The following STAMBPL1 variants were observed in gnomAD, a reference collection of about 807,000 sequenced individuals.
STAMBPL1 encodes the protein AMSH-like protease.
STAMBPL1 carries 44 observed loss-of-function variants against 52.9 expected under a neutral mutation model. The ratio of observed to expected loss-of-function variants is 0.83; its 90% CI spans 0.65 to 1.07. STAMBPL1 has a LOEUF of 1.07. STAMBPL1 is among the 50% of genes least tolerant of loss of function. The pLI, the probability that STAMBPL1 is intolerant of heterozygous loss-of-function variation, is 0.00. For missense variants in STAMBPL1, 511 were observed against 520.8 expected (o/e 0.98, Z 0.18); for synonymous variants, 164 against 177.3 (o/e 0.92, Z 0.60).
At chr10:88,921,785 A>AC (rs1845518745) in intron 9 of STAMBPL1, among the ~76,000 whole-genome samples, 1 of 152,168 alleles carries the variant, frequency 6.6e-6, no homozygotes. Flanking sequence ...CATGGGAATC[A>AC]AAAAAACATA....
rs148608470 is a variant in STAMBPL1, at chr10:88,918,654, T to G, written c.1041+1837T>G. Among the ~76,000 whole-genome samples the G allele has an allele frequency of 4.7e-4, 71 of 152,336 alleles. 3 individuals are homozygous for G. Among genetic ancestry groups the G allele is most frequent in the African/African-American group, 1.6e-3 (67 of 41,582 alleles). Reference sequence around the variant, plus strand: ...ATATGCATTACACTTTGCCTGGAAATTGCTATATTATTTAGCTTAACATGA... The same window carrying G: ...ATATGCATTACACTTTGCCTGGAAAGTGCTATATTATTTAGCTTAACATGA... On this transcript the variant is annotated intron_variant, in intron 8 of 10. Transcript: ENST00000371926.
intron 1 of STAMBPL1, among the ~76,000 whole-genome samples, chr10:88,894,163 G>A (rs1013997088): frequency 7.9e-5 from 12 of 152,022 alleles, no homozygotes; most frequent in Non-Finnish European, 1.3e-4. Flanking sequence ...AACCTCCTTT[G>A]CAGTTTGGGA....
At chr10:88,894,967 T>C (rs1844777214) in intron 1 of STAMBPL1, among the ~76,000 whole-genome samples, 1 of 152,218 alleles carries the variant, frequency 6.6e-6, no homozygotes, top group Non-Finnish European at 1.5e-5. Flanking sequence ...TTAGGGAGCA[T>C]ATTACAGAAT....
chr10:88,908,564 G>T, intron 3 of STAMBPL1, 138 bp from the exon 4 acceptor site: 1 of 684,842 alleles, frequency 1.5e-6, no homozygotes, highest in South Asian at 1.8e-5. Context: ...TAGTGAAAAG[G>T]CAGATGGCAA....
chr10:88,909,539 A>G (rs771188433), intron 4 of STAMBPL1, among the ~76,000 whole-genome samples: 44 of 152,286 alleles, frequency 2.9e-4, no homozygotes, highest in Non-Finnish European at 5.6e-4. Flanking sequence ...TCCTATGAGT[A>G]TTTTCAGACC....
intron 2 of STAMBPL1, 67 bp downstream of exon 2, chr10:88,901,805 A>T: frequency 6.9e-7 from 1 of 1,459,568 alleles, no homozygotes; most frequent in Non-Finnish European, 9.5e-7. Context: ...GAAACATACA[A>T]ATGTGAAATG....
chr10:88,889,214 G>A (rs1441555405), intron 1 of STAMBPL1, among the ~76,000 whole-genome samples: 1 of 152,122 alleles, frequency 6.6e-6, no homozygotes, highest in Non-Finnish European at 1.5e-5. Context: ...TGCAGTGTGT[G>A]TGTATATATT....
intron 5 of STAMBPL1, among the ~76,000 whole-genome samples, chr10:88,911,934 C>G (rs1320888245): frequency 6.6e-6 from 1 of 152,134 alleles, no homozygotes; most frequent in Admixed American, 6.5e-5. Context: ...TTCAAGTCTC[C>G]TTTCCACGGT....
At chr10:88,881,085 G>A (rs1235029070) in intron 1 of STAMBPL1, among the ~76,000 whole-genome samples, 1 of 152,124 alleles carries the variant, frequency 6.6e-6, no homozygotes, top group Admixed American at 6.5e-5. Flanking sequence ...TTAGAAAAAC[G>A]GACCTTTACC....
In STAMBPL1 at chr10:88,923,462, C is replaced by T; in HGVS notation, c.*238C>T. ...TGATAATGTACCCAAATACTATGGC[C>T]AGATAATAAATTGTGCTGCAAACAA... On this transcript the variant is annotated 3_prime_UTR_variant, in exon 11 of 11. Coordinates refer to ENST00000371926, the MANE Select transcript of STAMBPL1 (RefSeq NM_020799.4). The T allele has an allele frequency of 1.6e-6, 2 of 1,223,686 alleles. No individual in the cohort carries two copies. The highest frequency in any genetic ancestry group is 4.2e-5 in the Admixed American group (1 of 23,966). 75.8% of individuals were successfully genotyped at this position (1,223,686 alleles called of 1,614,324 possible).
chr10:88,900,411 A>C (rs534883418), intron 1 of STAMBPL1, among the ~76,000 whole-genome samples: 1 of 152,370 alleles, frequency 6.6e-6, no homozygotes. Flanking sequence ...CTAGCATAAA[A>C]AGGATGGGAA....
chr10:88,923,133 C>A (rs745552757), intron 10 of STAMBPL1, 35 bp from the exon 11 acceptor site: 4 of 1,486,610 alleles, frequency 2.7e-6, no homozygotes, highest in Non-Finnish European at 3.7e-6. Context: ...ATGGTGAAAT[C>A]AAACATATGG....
At chr10:88,914,488 A>C (rs1845316221) in intron 6 of STAMBPL1, 46 bp from the exon 7 acceptor site, 1 of 1,405,274 alleles carries the variant, frequency 7.1e-7, no homozygotes, top group African/African-American at 1.5e-5. Context: ...GAAAGATGGG[A>C]CATATAGTTT....
At chr10:88,921,186 G>A in intron 8 of STAMBPL1, 97 bp from the exon 9 acceptor site, 1 of 933,258 alleles carries the variant, frequency 1.1e-6, no homozygotes, top group Non-Finnish European at 1.6e-6. Flanking sequence ...ATTAATGATG[G>A]TAAAAACTAA....
At chr10:88,921,226 C>A in intron 8 of STAMBPL1, 57 bp from the exon 9 acceptor site, 1 of 1,343,122 alleles carries the variant, frequency 7.4e-7, no homozygotes, top group Non-Finnish European at 1.0e-6. Context: ...TTAAAATAGC[C>A]TATGGCCTTG....
rs1589383805 is a variant in STAMBPL1 at position 88,923,179 on chromosome 10, T to C, written c.1266T>C (p.His422=). Residue 422 remains histidine (H), a synonymous_variant, in exon 11 of 11, where the codon CAT becomes CAC. Transcript: ENST00000371926. ...TTTTTCTTTCCTAGATATGCAAACATGTGTTGGTAAAAGACATAAAAATAA... is the reference window on the plus strand; with the variant it reads ...TTTTTCTTTCCTAGATATGCAAACACGTGTTGGTAAAAGACATAAAAATAA... ...KEPRLFSICK[H]VLVKDIKIIV... 1 of 1,605,298 alleles carries C rather than the reference T, an allele frequency of 6.2e-7. No individual in the cohort carries two copies. The highest frequency in any genetic ancestry group is 8.5e-7 in the Non-Finnish European group (1 of 1,177,880).
At chr10:88,896,862 G>A (rs568098130) in intron 1 of STAMBPL1, among the ~76,000 whole-genome samples, 27 of 150,912 alleles carry the variant, frequency 1.8e-4, no homozygotes, top group East Asian at 3.9e-4. Flanking sequence ...ATGCACGCAC[G>A]CACACACACA....
chr10:88,896,456 G>T (rs1370800569), intron 1 of STAMBPL1, among the ~76,000 whole-genome samples: 1 of 152,142 alleles, frequency 6.6e-6, no homozygotes. Flanking sequence ...CAGCCTACAG[G>T]CTGAGTTACA....
chr10:88,920,754 A>G (rs570009942), intron 8 of STAMBPL1, among the ~76,000 whole-genome samples: 45 of 152,130 alleles, frequency 3.0e-4, no homozygotes, highest in Non-Finnish European at 4.9e-4. Context: ...TCTCCCATTT[A>G]TAGGAAATGA....
Sources: gnomAD v4.1 joint callset for allele counts (sites outside exome capture counted in the v4.1 genomes callset) on GRCh38, gnomAD v4.1.1 for gene constraint, MANE v1.5 for transcripts, NCBI Gene and HGNC (gene_info 2026-07-23, HGNC 2026-07-21) for gene names.